Variants in KIF27 observed in about 807,000 individuals in gnomAD.
KIF27 encodes kinesin family member 27, also known as kinesin-like protein KIF27.
A neutral mutation model predicts 141.8 loss-of-function variants in KIF27; 84 were observed. The ratio of observed to expected loss-of-function variants is 0.59; its 90% CI spans 0.50 to 0.71. The LOEUF is 0.71. KIF27 is among the 30% of genes least tolerant of loss of function. KIF27 has a pLI of 0.00. For synonymous variants in KIF27, 471 were observed against 569.5 expected (o/e 0.83, Z 2.46); for missense variants, 1,306 against 1,628.4 (o/e 0.80, Z 3.41).
At chr9:83,861,530 T>C (rs1949915845) in intron 13 of KIF27, among the ~76,000 whole-genome samples, 1 of 152,202 alleles carries the variant, frequency 6.6e-6, no homozygotes, top group African/African-American at 2.4e-5. Context: ...TATGGCTGCA[T>C]AGTATTCCAC....
At chr9:83,842,755 C>T (rs1204825795) in intron 16 of KIF27, among the ~76,000 whole-genome samples, 1 of 152,146 alleles carries the variant, frequency 6.6e-6, no homozygotes, top group Non-Finnish European at 1.5e-5. Flanking sequence ...CATGAGCCAC[C>T]GTGCCCGGCT....
intron 16 of KIF27, among the ~76,000 whole-genome samples, chr9:83,845,833 T>G (rs964661148): frequency 6.6e-6 from 1 of 152,210 alleles, no homozygotes; most frequent in African/African-American, 2.4e-5. Context: ...ACAAAGAATT[T>G]TGGGGAAGAG....
At chr9:83,848,235 T>G (rs1282534558) in intron 16 of KIF27, among the ~76,000 whole-genome samples, 1 of 106,380 alleles carries the variant, frequency 9.4e-6, no homozygotes, top group Non-Finnish European at 1.8e-5. Context: ...AGATATGATA[T>G]ATATGATATA....
At position 83,836,377 on chromosome 9, in the gene KIF27, T is replaced by C. The variant is rs996401876; in HGVS notation, c.*624A>G. Among the ~76,000 whole-genome samples, 3 of 152,154 alleles carry C rather than the reference T, an allele frequency of 2.0e-5. No individual in the cohort carries two copies. Among genetic ancestry groups the C allele is most frequent in the African/African-American group, 4.8e-5 (2 of 41,420 alleles). ...ACATGAAAACTTATATTGCATAATA[T>C]TAGCAAACATAAAAGATAGCATTAT... On this transcript the variant is annotated 3_prime_UTR_variant, in exon 18 of 18. Transcript: ENST00000297814.
At chr9:83,842,776 G>T (rs1214695148) in intron 16 of KIF27, among the ~76,000 whole-genome samples, 3 of 152,096 alleles carry the variant, frequency 2.0e-5, no homozygotes, top group African/African-American at 7.2e-5. Flanking sequence ...GCAAAATTAT[G>T]TTTTAACATA....
In KIF27 at chr9:83,859,319, T is replaced by C. The variant is rs143276779; in HGVS notation, c.2987A>G (p.Gln996Arg). The C allele has an allele frequency of 1.9e-6, 3 of 1,614,160 alleles. No individual in the cohort carries two copies. The highest frequency in any genetic ancestry group is 2.5e-6 in the Non-Finnish European group (3 of 1,180,022). The part of the protein sequence containing the change: ...KISTRLNLLE[Q>R]ELSEKNVQLQ... ...CTGCACATTCTTTTCAGACAACTCT[T>C]GTTCCAGTAAGTTCAGGCGAGTTGA... The change falls in exon 14 of 18, where the codon CAA (glutamine) becomes CGA (arginine). Residue 996 changes from glutamine (Q) to arginine (R), a missense_variant. By Grantham distance (43) the Gln-to-Arg change is conservative. Transcript: ENST00000297814.
intron 12 of KIF27, 79 bp downstream of exon 12, chr9:83,870,440 T>C: frequency 6.4e-7 from 1 of 1,570,954 alleles, no homozygotes; most frequent in Non-Finnish European, 8.7e-7. Context: ...GTGCTAGGAT[T>C]ACAGGTGTGA....
intron 13 of KIF27, among the ~76,000 whole-genome samples, chr9:83,864,390 T>C (rs892232173): frequency 2.6e-5 from 4 of 152,224 alleles, no homozygotes; most frequent in African/African-American, 9.6e-5. Flanking sequence ...TTCTTGTTGG[T>C]TTCAAAGAAC....
At chr9:83,876,010 A>C (rs1287763059) in intron 11 of KIF27, among the ~76,000 whole-genome samples, 2 of 152,220 alleles carry the variant, frequency 1.3e-5, no homozygotes, top group Non-Finnish European at 2.9e-5. Flanking sequence ...GAAGAAAAAA[A>C]AAGTTGAAAA....
rs1471517746 is a variant in KIF27 at position 83,915,406 on chromosome 9, G to A, written c.186C>T (p.Asn62=). ...ACAACACTAGGGGCTTTATACATGT[G>A]TTATAAACTTCATCTTGAGTGGAAT... ...GKNSTQDEVY[N]TCIKPLVLSL... The change falls in exon 2 of 18, where the codon AAC becomes AAT. Residue 62 remains asparagine, a synonymous_variant. Transcript: ENST00000297814. The A allele has an allele frequency of 5.0e-6, 8 of 1,613,686 alleles. No individual in the cohort carries two copies. Among genetic ancestry groups the A allele is most frequent in the Non-Finnish European group, 6.8e-6 (8 of 1,179,822 alleles).
At chr9:83,893,707 T>C (rs1563968608) in intron 5 of KIF27, among the ~76,000 whole-genome samples, 1 of 151,838 alleles carries the variant, frequency 6.6e-6, no homozygotes, top group Non-Finnish European at 1.5e-5. Context: ...GTTAAAAAGA[T>C]AGCAGGAGGT....
At position 83,875,402 on chromosome 9, in the gene KIF27, T is replaced by C. The variant is rs558315141; in HGVS notation, c.2644-4770A>G. 2.6e-5 allele frequency among the ~76,000 whole-genome samples: 4 copies of C among 152,206 alleles called. No homozygotes were observed. In the East Asian group the frequency reaches 5.8e-4, roughly 22 times the overall value. ...GAAGAGAGCAGGGAGTGGGGAATCA[T>C]GGAAAGGTAAGTAAGGAAGATCATT... On this transcript the variant is annotated intron_variant, in intron 11 of 17. Transcript: ENST00000297814.
chr9:83,838,466 C>T (rs1946172527), intron 17 of KIF27, among the ~76,000 whole-genome samples: 1 of 152,188 alleles, frequency 6.6e-6, no homozygotes, highest in Admixed American at 6.5e-5. Flanking sequence ...ATCTCCTGAC[C>T]TCAGGTGATC....
At chr9:83,917,346 CTCA>C (rs1192989200) in intron 1 of KIF27, among the ~76,000 whole-genome samples, 1 of 152,138 alleles carries the variant, frequency 6.6e-6, no homozygotes, top group Non-Finnish European at 1.5e-5. Flanking sequence ...GAAAAAACAT[CTCA>C]TGTTTATGAA....
At chr9:83,895,382 A>C (rs1035476178) in intron 5 of KIF27, among the ~76,000 whole-genome samples, 4 of 152,176 alleles carry the variant, frequency 2.6e-5, no homozygotes, top group Non-Finnish European at 5.9e-5. Flanking sequence ...TTCATAATAA[A>C]AATTCTCAGT....
At position 83,835,404 on chromosome 9, in the gene KIF27, T is replaced by A. The variant is rs550158304; in HGVS notation, c.*1597A>T. ...AATTAGTTTTTTGAAATTTAGAAAA[T>A]AGTATCTCATTGGACCAATATTTAT... On this transcript the variant is annotated 3_prime_UTR_variant, in exon 18 of 18. Transcript: ENST00000297814. 2 of 152,044 alleles carry A rather than the reference T, an allele frequency of 1.3e-5. No individual in the cohort carries two copies. Among genetic ancestry groups the A allele is most frequent in the African/African-American group, 2.4e-5 (1 of 41,420 alleles). The allele number at this position is 152,044 out of a possible 1,614,324, so 9.4% of individuals were successfully genotyped here. A position where few individuals can be genotyped will look rare whatever the true frequency, so the allele number is the denominator to read the frequency against.
Position 83,915,347 on chromosome 9 carries a change from G to A in KIF27, c.245C>T (p.Ala82Val). Residue 82 changes from alanine (A) to valine (V), a missense_variant, in exon 2 of 18, where the codon GCC (alanine) becomes GTC (valine). Physicochemically the swap from Ala to Val is moderately conservative, Grantham distance 64 (BLOSUM62 0). This residue lies in a region of KIF27 where 533 missense variants were observed against 565.6 expected (regional missense o/e 0.94). Transcript: ENST00000297814. ...LIEGYNATVFAYGQTGSGKTY... is the reference protein window; with the variant it reads ...LIEGYNATVFVYGQTGSGKTY... Reference sequence around the variant, plus strand: ...CTTCCCAGATCCAGTTTGTCCATAGGCAAAAACAGTTGCATTATAGCCCTC... The same window carrying A: ...CTTCCCAGATCCAGTTTGTCCATAGACAAAAACAGTTGCATTATAGCCCTC... 1 of 1,613,718 alleles carries A rather than the reference G, an allele frequency of 6.2e-7. No individual in the cohort carries two copies. Among genetic ancestry groups the A allele is most frequent in the East Asian group, 2.2e-5 (1 of 44,860 alleles).
Position 83,837,201 on chromosome 9 carries a change from G to A in KIF27, c.4006C>T (p.Arg1336Ter), listed in dbSNP as rs371473677. ...DDNQFTKSHS[R>*]LSSQIQVVGN... is the part of the protein sequence containing the mutation. Reference sequence around the variant, plus strand: ...ACAACCTGAATTTGGGATGACAGTCGACTGTGAGATTTTGTAAACTGATTA... The same window carrying A: ...ACAACCTGAATTTGGGATGACAGTCAACTGTGAGATTTTGTAAACTGATTA... Residue 1336 changes from arginine (R) to a stop codon, truncating the protein, a stop_gained, in exon 18 of 18, where the codon CGA (arginine) becomes TGA (stop). Coordinates refer to ENST00000297814, the MANE Select transcript of KIF27 (RefSeq NM_017576.4). LOFTEE classifies it high-confidence loss of function. 7.4e-6 allele frequency: 12 copies of A among 1,614,052 alleles called. No homozygotes were observed. The African/African-American group carries it at 1.1e-4, about 14-fold the overall frequency.
At chr9:83,921,112 G>A (rs1014253134) in intron 1 of KIF27, among the ~76,000 whole-genome samples, 4 of 151,884 alleles carry the variant, frequency 2.6e-5, no homozygotes, top group African/African-American at 4.8e-5. Flanking sequence ...TCCGGAAGGG[G>A]CGCTCTGCCT....
Sources: gnomAD v4.1 joint callset for allele counts (sites outside exome capture counted in the v4.1 genomes callset) on GRCh38, gnomAD v4.1.1 for gene constraint, gnomAD v4.1.1 regional missense constraint, MANE v1.5 for transcripts, NCBI Gene and HGNC (gene_info 2026-07-23, HGNC 2026-07-21) for gene names.